CFAP251: variants seen among roughly 807,000 people sequenced by gnomAD.
The protein encoded by CFAP251 is cilia- and flagella-associated protein 251.
CFAP251 carries 93 observed loss-of-function variants against 126.7 expected under a neutral mutation model. The ratio of observed to expected loss-of-function variants is 0.73; its 90% CI spans 0.62 to 0.87. The LOEUF (loss-of-function observed/expected upper bound fraction) is 0.87. Among genes scored for constraint, CFAP251 ranks in the 40% least tolerant of loss-of-function variants. The pLI is 0.00. For synonymous variants in CFAP251, 503 were observed against 506.9 expected (o/e 0.99, Z 0.10); for missense variants, 1,287 against 1,389.2 (o/e 0.93, Z 1.17).
intron 9 of CFAP251, chr12:121,952,927 T>C (rs900573171): frequency 6.6e-6 from 1 of 152,220 alleles, no homozygotes; most frequent in Non-Finnish European, 1.5e-5. Context: ...AGCAGATACT[T>C]AACTATTGCT....
intron 11 of CFAP251, among the ~76,000 whole-genome samples, chr12:121,957,478 G>A (rs1489072884): frequency 1.3e-5 from 2 of 150,366 alleles, no homozygotes; most frequent in South Asian, 2.1e-4. Context: ...GCCAAGGCGG[G>A]TGGATCACGA....
At chr12:121,993,774 GCACC>G (rs1565925408) in intron 19 of CFAP251, among the ~76,000 whole-genome samples, 1 of 107,144 alleles carries the variant, frequency 9.3e-6, no homozygotes, top group Non-Finnish European at 2.1e-5. Context: ...TGCCCGGCCA[GCACC>G]CCGTCCGGGA....
intron 3 of CFAP251, among the ~76,000 whole-genome samples, chr12:121,927,560 G>A (rs1160381999): frequency 6.6e-6 from 1 of 152,182 alleles, no homozygotes; most frequent in Non-Finnish European, 1.5e-5. Context: ...GCCTCCCAAA[G>A]TGTTGGAATT....
rs573563383 is a variant in CFAP251 at position 121,983,659 on chromosome 12, C to T, written c.3006+7974C>T. ...TGTATGTTCTCCCGGCTGACCCCAC[C>T]ACTTCCCAAAAGGAGAGTTTCGGTG... On this transcript the variant is annotated intron_variant, in intron 19 of 21. Transcript: ENST00000288912. 2.0e-5 allele frequency among the ~76,000 whole-genome samples: 3 copies of T among 152,144 alleles called. No individual in the cohort carries two copies. The South Asian group carries it at 6.2e-4, about 32-fold the overall frequency.
Position 121,974,181 on chromosome 12 carries a change from C to G in CFAP251, c.2772-1063C>G, listed in dbSNP as rs1882400727. On this transcript the variant is annotated intron_variant, in intron 17 of 21. Transcript: ENST00000288912. The surrounding 1 kb of genome is among the most constrained non-coding windows in gnomAD (Gnocchi z 4.6). ...TGGTTTGATAAGGGGAAACCTGATT[C>G]ACTTGGTCTCTCATTCTCTCTCTTG... is the stretch of plus-strand genomic sequence containing the variant. 6.6e-6 allele frequency among the ~76,000 whole-genome samples: 1 copy of G among 152,062 alleles called. No individual in the cohort carries two copies.
In CFAP251 at chr12:121,921,304, G is replaced by T; in HGVS notation, c.-2G>T. On this transcript the variant is annotated 5_prime_UTR_variant, in exon 2 of 22. Coordinates refer to ENST00000288912, the MANE Select transcript of CFAP251 (RefSeq NM_144668.6). ...TCTCTAGAGGAAACTCTACAGAGAA[G>T]AATGTCAGATGCAGCAGAAGCTCCC... The T allele has an allele frequency of 6.3e-7, 1 of 1,578,490 alleles. No homozygotes were observed. Among genetic ancestry groups the T allele is most frequent in the South Asian group, 1.2e-5 (1 of 84,562 alleles).
rs1882825216 is a variant in CFAP251, at chr12:121,989,485, G to A, written c.3007-10231G>A. On this transcript the variant is annotated intron_variant, in intron 19 of 21. Coordinates refer to ENST00000288912, the MANE Select transcript of CFAP251 (RefSeq NM_144668.6). The surrounding 1 kb of genome is among the most constrained non-coding windows in gnomAD (Gnocchi z 4.2). The stretch of plus-strand genomic sequence containing the variant: ...GGTATGGAGCAGTTGGGGTCACAGT[G>A]TTGCATGAATCGCAGAGGGGGCGCT... 6.6e-6 allele frequency among the ~76,000 whole-genome samples: 1 copy of A among 152,228 alleles called. No individual in the cohort carries two copies. The highest frequency in any genetic ancestry group is 2.1e-4 in the South Asian group (1 of 4,836).
chr12:121,969,842 TAAG>T (rs1167264122), intron 17 of CFAP251: 36 of 985,376 alleles, frequency 3.7e-5, no homozygotes, highest in African/African-American at 7.0e-5. Flanking sequence ...GGTAGAAATT[TAAG>T]AAGAAGAAAA....
chr12:121,924,117 T>C, intron 3 of CFAP251, 127 bp downstream of exon 3: 1 of 1,094,372 alleles, frequency 9.1e-7, no homozygotes, highest in Non-Finnish European at 1.2e-6. Context: ...AATAGACTTG[T>C]GTTTTTTTTT....
At chr12:121,973,376 C>CACCTCT in intron 17 of CFAP251, among the ~76,000 whole-genome samples, 1 of 152,346 alleles carries the variant, frequency 6.6e-6, no homozygotes, top group African/African-American at 2.4e-5. Flanking sequence ...CCTCATGGAG[C>CACCTCT]ACCTCTGCTA....
At chr12:121,969,431 G>A in intron 17 of CFAP251, 1 of 985,356 alleles carries the variant, frequency 1.0e-6, no homozygotes, top group Non-Finnish European at 1.2e-6. Flanking sequence ...CTGGCTTGTT[G>A]CCTGGAACCA....
chr12:121,992,495 G>C (rs368530115), intron 19 of CFAP251: 1 of 984,974 alleles, frequency 1.0e-6, no homozygotes, highest in Admixed American at 6.2e-5. Context: ...TCCTTTTGTC[G>C]TCTTAGTCTC....
At chr12:121,988,985 C>T (rs1211732512) in intron 19 of CFAP251, among the ~76,000 whole-genome samples, 2 of 152,136 alleles carry the variant, frequency 1.3e-5, no homozygotes, top group Non-Finnish European at 2.9e-5. Flanking sequence ...ATCCACCCAA[C>T]TTGGCCTCCC....
At chr12:121,999,646 T>C in intron 19 of CFAP251, 70 bp from the exon 20 acceptor site, 1 of 1,304,352 alleles carries the variant, frequency 7.7e-7, no homozygotes. Flanking sequence ...TACTGTCCAA[T>C]TTTTAGAAAT....
intron 19 of CFAP251, chr12:121,999,375 C>CT (rs796730180): frequency 1.1e-4 from 17 of 157,730 alleles, no homozygotes; most frequent in East Asian, 3.5e-4. Context: ...AATTAGTATT[C>CT]TTTTTTTTTC....
intron 19 of CFAP251, among the ~76,000 whole-genome samples, chr12:121,983,053 G>A (rs1882662023): frequency 6.6e-6 from 1 of 152,150 alleles, no homozygotes; most frequent in Non-Finnish European, 1.5e-5. Flanking sequence ...GCAACATAAG[G>A]AGACCCGTCT....
intron 21 of CFAP251, among the ~76,000 whole-genome samples, chr12:122,002,249 G>T (rs1883167473): frequency 6.6e-6 from 1 of 152,164 alleles, no homozygotes; most frequent in Non-Finnish European, 1.5e-5. Flanking sequence ...CAGTTACTTG[G>T]GAGGCTGGGG....
intron 1 of CFAP251, 24 bp from the exon 2 acceptor site, chr12:121,921,262 T>G: frequency 6.5e-7 from 1 of 1,528,484 alleles, no homozygotes. Flanking sequence ...GGCCAGCTGG[T>G]TATTATGGTC....
chr12:121,956,403 A>G (rs1881728723), intron 10 of CFAP251, among the ~76,000 whole-genome samples: 1 of 152,220 alleles, frequency 6.6e-6, no homozygotes, highest in African/African-American at 2.4e-5. Context: ...GGTTCCTTGC[A>G]TAGTCAAGCC....
Sources: gnomAD v4.1 joint callset for allele counts (sites outside exome capture counted in the v4.1 genomes callset) on GRCh38, gnomAD v4.1.1 for gene constraint, Gnocchi (gnomAD v3.1) non-coding constraint, MANE v1.5 for transcripts, NCBI Gene and HGNC (gene_info 2026-07-23, HGNC 2026-07-21) for gene names.